Variants in MCCC2 observed in about 807,000 individuals in gnomAD.
MCCC2 encodes the protein methylcrotonyl-CoA carboxylase subunit 2, also known as methylcrotonoyl-CoA carboxylase beta chain, mitochondrial.
A neutral mutation model predicts 77.2 loss-of-function variants in MCCC2; 52 were observed. The observed-to-expected ratio is 0.67, with a 90% CI of 0.54 to 0.85. The LOEUF is 0.85. Ranked by LOEUF, MCCC2 falls within the 40% of genes least tolerant of loss-of-function variation. The pLI is 0.00. For synonymous variants in MCCC2, 253 were observed against 248.4 expected (o/e 1.02, Z -0.18); for missense variants, 682 against 703.2 (o/e 0.97, Z 0.34).
chr5:71,620,637 A>G (rs535968574), intron 6 of MCCC2, among the ~76,000 whole-genome samples: 2 of 152,314 alleles, frequency 1.3e-5, no homozygotes, highest in East Asian at 3.9e-4. Flanking sequence ...AAGGAGACCC[A>G]GTCTCTATTT....
rs562348331 is a variant in MCCC2 at position 71,643,264 on chromosome 5, C to T, written c.1073-555C>T. Among the ~76,000 whole-genome samples the T allele has an allele frequency of 4.0e-5, 6 of 151,648 alleles. No homozygotes were observed. The East Asian group carries it at 7.9e-4, about 20-fold the overall frequency. The stretch of plus-strand genomic sequence containing the variant: ...GGGTGTGGGGGTGAGTGTCTGTAGT[C>T]TCAGCTACTCAGGAGGCTGAGGTAA... On this transcript the variant is annotated intron_variant, in intron 11 of 16. Coordinates refer to ENST00000340941, the MANE Select transcript of MCCC2 (RefSeq NM_022132.5).
chr5:71,596,756 T>C (rs1312159884), intron 3 of MCCC2, among the ~76,000 whole-genome samples: 2 of 152,016 alleles, frequency 1.3e-5, no homozygotes, highest in African/African-American at 4.8e-5. Context: ...CTGGCTAACA[T>C]GGTGAAAACC....
In MCCC2 at chr5:71,594,921, C is replaced by T. The variant is rs550993424; in HGVS notation, c.197-1359C>T. Among the ~76,000 whole-genome samples the T allele has an allele frequency of 2.7e-5, 4 of 146,898 alleles. No homozygotes were observed. In the East Asian group the frequency reaches 6.0e-4, roughly 22 times the overall value. On this transcript the variant is annotated intron_variant, in intron 2 of 16. Transcript: ENST00000340941. ...CTCTTTTTTTTTTTTTTTACTGAGA[C>T]GGAGTCTTGCTCTGTCACTCAGGCT... is the stretch of plus-strand genomic sequence containing the variant.
At chr5:71,606,602 C>T (rs1745686752) in intron 6 of MCCC2, among the ~76,000 whole-genome samples, 1 of 104,176 alleles carries the variant, frequency 9.6e-6, no homozygotes, top group Non-Finnish European at 1.9e-5. Flanking sequence ...GCCAGAACTT[C>T]CAACACTATG....
chr5:71,628,099 C>A (rs1160304523), intron 7 of MCCC2, among the ~76,000 whole-genome samples: 1 of 152,242 alleles, frequency 6.6e-6, no homozygotes, highest in Non-Finnish European at 1.5e-5. Context: ...CTGCCTCAGC[C>A]TCCCAAAGTG....
In MCCC2 at chr5:71,657,561, G is replaced by A. The variant is rs1435614773; in HGVS notation, c.*701G>A. The A allele has an allele frequency of 6.6e-6, 1 of 152,124 alleles. No individual in the cohort carries two copies. Among genetic ancestry groups the A allele is most frequent in the Non-Finnish European group, 1.5e-5 (1 of 68,222 alleles). The allele number at this position is 152,124 out of a possible 1,614,324, so 9.4% of individuals were successfully genotyped here. A position where few individuals can be genotyped will look rare whatever the true frequency, so the allele number is the denominator to read the frequency against. ...TGTGCCTCAGCCTCCCAAGCAGCTGGGACTATAGGCACGCACCACCACACC... is the reference window on the plus strand; with the variant it reads ...TGTGCCTCAGCCTCCCAAGCAGCTGAGACTATAGGCACGCACCACCACACC... On this transcript the variant is annotated 3_prime_UTR_variant, in exon 17 of 17. Coordinates refer to ENST00000340941, the MANE Select transcript of MCCC2 (RefSeq NM_022132.5).
In MCCC2 at chr5:71,652,710, TAAG is replaced by T. The variant is rs1488934537; in HGVS notation, c.1534_1536del (p.Lys512del). ...AAGCGGCTTTAAAAGAGCCCATCAT[TAAG>T]AAGTTTGAAGAGGAAGGAAACCCTT... On this transcript the variant is annotated inframe_deletion, in exon 16 of 17. Coordinates refer to ENST00000340941, the MANE Select transcript of MCCC2 (RefSeq NM_022132.5). 1 of 1,614,168 alleles carries T rather than the reference TAAG, an allele frequency of 6.2e-7. No homozygotes were observed. The highest frequency in any genetic ancestry group is 1.7e-5 in the Admixed American group (1 of 60,018).
At chr5:71,655,358 GT>G (rs920839237) in intron 16 of MCCC2, among the ~76,000 whole-genome samples, 1 of 152,198 alleles carries the variant, frequency 6.6e-6, no homozygotes, top group African/African-American at 2.4e-5. Context: ...AACCTACAAT[GT>G]TTTCCTTAAT....
Position 71,646,296 on chromosome 5 carries a change from C to A in MCCC2, c.1216+19C>A, listed in dbSNP as rs1747272828. On this transcript the variant is annotated intron_variant, in intron 13 of 16. Coordinates refer to ENST00000340941, the MANE Select transcript of MCCC2 (RefSeq NM_022132.5). Reference sequence around the variant, plus strand: ...ATTACTGGTAAGAAAATAGCTTAATCAGTTTGGTTGTATTGATTCCAGAGC... The same window carrying A: ...ATTACTGGTAAGAAAATAGCTTAATAAGTTTGGTTGTATTGATTCCAGAGC... 6.2e-7 allele frequency: 1 copy of A among 1,610,684 alleles called. No homozygotes were observed. Among genetic ancestry groups the A allele is most frequent in the Admixed American group, 1.7e-5 (1 of 59,992 alleles).
At position 71,657,800 on chromosome 5, in the gene MCCC2, C is replaced by G. The variant is rs886060746; in HGVS notation, c.*940C>G. 6.6e-6 allele frequency: 1 copy of G among 152,200 alleles called. No homozygotes were observed. Among genetic ancestry groups the G allele is most frequent in the Non-Finnish European group, 1.5e-5 (1 of 68,068 alleles). 9.4% of individuals were successfully genotyped at this position (152,200 alleles called of 1,614,324 possible). A position where few individuals can be genotyped will look rare whatever the true frequency, so the allele number is the denominator to read the frequency against. Reference sequence around the variant, plus strand: ...CTTGCTGGGCCATTTCAGCCCCTGTCATGGCTTCACTCGCCATCTAAATGC... The same window carrying G: ...CTTGCTGGGCCATTTCAGCCCCTGTGATGGCTTCACTCGCCATCTAAATGC... On this transcript the variant is annotated 3_prime_UTR_variant, in exon 17 of 17. Coordinates refer to ENST00000340941, the MANE Select transcript of MCCC2 (RefSeq NM_022132.5).
At chr5:71,637,577 G>A (rs1746973652) in intron 10 of MCCC2, among the ~76,000 whole-genome samples, 1 of 152,154 alleles carries the variant, frequency 6.6e-6, no homozygotes, top group African/African-American at 2.4e-5. Flanking sequence ...AACTAATCAG[G>A]GTAGAGGTTG....
At chr5:71,592,872 A>T (rs1371559928) in intron 1 of MCCC2, 54 bp from the exon 2 acceptor site, 4 of 1,350,788 alleles carry the variant, frequency 3.0e-6, no homozygotes, top group Non-Finnish European at 4.2e-6. Context: ...ATTTTGGTAA[A>T]AAGGAATTGC....
chr5:71,593,174 G>A (rs1300738363), intron 2 of MCCC2, among the ~76,000 whole-genome samples, 182 bp downstream of exon 2: 2 of 150,072 alleles, frequency 1.3e-5, no homozygotes, highest in Non-Finnish European at 3.0e-5. Context: ...TGCAACCTCC[G>A]CCTCCTGGGT....
At chr5:71,646,902 T>C (rs1018334003) in intron 13 of MCCC2, among the ~76,000 whole-genome samples, 50 of 152,284 alleles carry the variant, frequency 3.3e-4, no homozygotes, top group African/African-American at 1.1e-3. Context: ...TCAACTTAAG[T>C]AACATCATTT....
chr5:71,604,918 T>G (rs1159620256), intron 6 of MCCC2, among the ~76,000 whole-genome samples: 1 of 144,278 alleles, frequency 6.9e-6, no homozygotes, highest in Non-Finnish European at 1.5e-5. Flanking sequence ...AACTCATCAT[T>G]TTTTATGGCT....
intron 13 of MCCC2, among the ~76,000 whole-genome samples, chr5:71,648,645 T>G (rs1277680529): frequency 1.3e-5 from 2 of 152,260 alleles, no homozygotes; most frequent in African/African-American, 2.4e-5. Flanking sequence ...AGCATCAAGC[T>G]GCTTCTTTGA....
At chr5:71,637,538 AG>A (rs1746972444) in intron 10 of MCCC2, among the ~76,000 whole-genome samples, 1 of 152,188 alleles carries the variant, frequency 6.6e-6, no homozygotes, top group Admixed American at 6.5e-5. Flanking sequence ...TTGCTGGTGG[AG>A]GGTCTTGCCT....
intron 7 of MCCC2, among the ~76,000 whole-genome samples, chr5:71,630,524 T>C (rs1746673351): frequency 3.3e-5 from 5 of 152,172 alleles, no homozygotes; most frequent in Admixed American, 3.3e-4. Flanking sequence ...TAAATATAAT[T>C]TATCTGTTGT....
intron 16 of MCCC2, among the ~76,000 whole-genome samples, chr5:71,653,711 C>T (rs1163808782): frequency 1.3e-5 from 2 of 151,800 alleles, no homozygotes; most frequent in Non-Finnish European, 2.9e-5. Flanking sequence ...ATTAGCCAGG[C>T]GTGATGGTGT....
Sources: allele counts gnomAD v4.1 joint callset (sites outside exome capture counted in the v4.1 genomes callset), GRCh38; gene constraint gnomAD v4.1.1; transcripts MANE v1.5; gene names NCBI Gene and HGNC (gene_info 2026-07-23, HGNC 2026-07-21).